Variants in DAB1 observed in about 807,000 individuals in gnomAD.
The protein encoded by DAB1 is disabled homolog 1.
Under a neutral mutation model 64.6 loss-of-function variants are expected in DAB1, and 15 were observed. The observed-to-expected ratio is 0.23, with a 90% CI of 0.16 to 0.36. The LOEUF is 0.36. Among genes scored for constraint, DAB1 ranks in the 10% least tolerant of loss-of-function variants. The pLI is 1.00. For missense variants in DAB1, 596 were observed against 706.7 expected (o/e 0.84, Z 1.78); for synonymous variants, 235 against 251.9 (o/e 0.93, Z 0.64).
At chr1:57,123,448 A>T (rs1275116654) in intron 4 of DAB1, among the ~76,000 whole-genome samples, 2 of 152,036 alleles carry the variant, frequency 1.3e-5, no homozygotes, top group African/African-American at 4.8e-5. Flanking sequence ...CAATAAGTTA[A>T]TTTTTTTTAA....
intron 1 of DAB1, among the ~76,000 whole-genome samples, chr1:57,354,882 A>G (rs1029392721): frequency 3.3e-5 from 5 of 152,138 alleles, no homozygotes; most frequent in African/African-American, 1.2e-4. Context: ...CAGGACTTCC[A>G]GGATTTATCA....
At chr1:57,871,064 C>T (rs1643941348) in intron 1 of DAB1, among the ~76,000 whole-genome samples, 1 of 152,164 alleles carries the variant, frequency 6.6e-6, no homozygotes, top group African/African-American at 2.4e-5. Flanking sequence ...CATGGGCTTT[C>T]CTTGTGAACG....
At chr1:57,640,326 T>G (rs1440832729) in intron 7 of DAB1, among the ~76,000 whole-genome samples, 2 of 152,222 alleles carry the variant, frequency 1.3e-5, no homozygotes, top group Non-Finnish European at 1.5e-5. Flanking sequence ...CCTATTAATG[T>G]TTTATGTCTA....
In DAB1 at chr1:57,167,981, G is replaced by A. The variant is rs576951356; in HGVS notation, c.68-22552C>T. ...TTGTCCAGGCTAGAAACACTGGAGA[G>A]ACTTTTGATTTCTTCTTTTCCTTAA... On this transcript the variant is annotated intron_variant, in intron 2 of 14. Transcript: ENST00000371236. Among the ~76,000 whole-genome samples the A allele has an allele frequency of 2.0e-5, 3 of 152,316 alleles. No individual in the cohort carries two copies. The East Asian group carries it at 5.8e-4, about 29-fold the overall frequency.
chr1:58,486,149 T>A (rs1046824573), intron 3 of DAB1, among the ~76,000 whole-genome samples: 2 of 152,192 alleles, frequency 1.3e-5, no homozygotes, highest in African/African-American at 4.8e-5. Flanking sequence ...TGACATAAAA[T>A]ACTTATCATT....
intron 4 of DAB1, among the ~76,000 whole-genome samples, chr1:58,167,728 C>T (rs1208196708): frequency 5.9e-5 from 9 of 152,152 alleles, no homozygotes; most frequent in Non-Finnish European, 8.8e-5. Flanking sequence ...AGTGAAACCA[C>T]GAACCCACCA....
At chr1:57,533,222 C>T (rs1644685587) in intron 7 of DAB1, among the ~76,000 whole-genome samples, 5 of 152,068 alleles carry the variant, frequency 3.3e-5, no homozygotes, top group Admixed American at 2.6e-4. Context: ...CCAATCTGTA[C>T]TGCAGTTCCA....
chr1:57,338,586 A>G (rs1677294704), intron 1 of DAB1, among the ~76,000 whole-genome samples: 1 of 152,254 alleles, frequency 6.6e-6, no homozygotes, highest in Non-Finnish European at 1.5e-5. Context: ...CTGATATCAA[A>G]TATAACCTTT....
At chr1:58,357,026 C>CAAA (rs3990929) in intron 3 of DAB1, among the ~76,000 whole-genome samples, 1 of 86,106 alleles carries the variant, frequency 1.2e-5, no homozygotes. Flanking sequence ...ACCCTGTCTC[C>CAAA]AAAAAAAAAA....
intron 4 of DAB1, among the ~76,000 whole-genome samples, chr1:58,244,349 T>C (rs1660440202): frequency 6.6e-6 from 1 of 152,156 alleles, no homozygotes; most frequent in Non-Finnish European, 1.5e-5. Context: ...AACCAAGTAG[T>C]AAAGGGCACA....
intron 1 of DAB1, among the ~76,000 whole-genome samples, chr1:57,336,063 T>C (rs1364053543): frequency 6.6e-6 from 1 of 152,246 alleles, no homozygotes. Context: ...GGCATGGCAT[T>C]AACGCAGTTG....
At chr1:57,770,929 G>C (rs1227304603) in intron 6 of DAB1, among the ~76,000 whole-genome samples, 5 of 152,094 alleles carry the variant, frequency 3.3e-5, no homozygotes, top group Non-Finnish European at 7.4e-5. Flanking sequence ...TTAACTCATT[G>C]TCTAATCCAT....
intron 5 of DAB1, among the ~76,000 whole-genome samples, chr1:58,003,476 A>G (rs1002029655): frequency 6.6e-6 from 1 of 152,218 alleles, no homozygotes; most frequent in Admixed American, 6.5e-5. Flanking sequence ...TAAAAATACA[A>G]TTCCCTGCAT....
chr1:57,757,996 T>C (rs1003047845), intron 6 of DAB1, among the ~76,000 whole-genome samples: 1 of 152,010 alleles, frequency 6.6e-6, no homozygotes, highest in Non-Finnish European at 1.5e-5. Context: ...AAAAGAAAAA[T>C]TGTAGAGATG....
intron 5 of DAB1, among the ~76,000 whole-genome samples, chr1:58,107,135 G>C (rs901893707): frequency 1.3e-5 from 2 of 151,710 alleles, no homozygotes; most frequent in Admixed American, 6.6e-5. Context: ...TGTGATAAGT[G>C]CTAGGACATA....
intron 1 of DAB1, among the ~76,000 whole-genome samples, chr1:57,382,264 C>A (rs986133469): frequency 2.0e-5 from 3 of 152,274 alleles, no homozygotes; most frequent in Middle Eastern, 3.4e-3. Context: ...AAATCCCACA[C>A]TGCTAGTCAC....
intron 5 of DAB1, among the ~76,000 whole-genome samples, chr1:58,051,125 T>C (rs1325061854): frequency 6.6e-6 from 1 of 152,176 alleles, no homozygotes; most frequent in Non-Finnish European, 1.5e-5. Context: ...TGTATATATG[T>C]GCCATGTTGG....
In DAB1 at chr1:57,701,567, T is replaced by C. The variant is rs1427129700; in HGVS notation, n.552-51902A>G. ...CAGGGGTAGGGGGAGGAGGGAGGGATAGCATTAGGAGATATACCTAATGCT... is the reference window on the plus strand; with the variant it reads ...CAGGGGTAGGGGGAGGAGGGAGGGACAGCATTAGGAGATATACCTAATGCT... On this transcript the variant is annotated intron_variant and non_coding_transcript_variant, in intron 6 of 20. Coordinates refer to the DAB1 transcript ENST00000485760. Among the ~76,000 whole-genome samples the C allele has an allele frequency of 2.0e-5, 3 of 152,052 alleles. No individual in the cohort carries two copies. The East Asian group carries it at 5.8e-4, about 29-fold the overall frequency.
chr1:57,176,077 T>C (rs769987678), intron 2 of DAB1, among the ~76,000 whole-genome samples: 4 of 152,200 alleles, frequency 2.6e-5, no homozygotes, highest in Non-Finnish European at 5.9e-5. Context: ...AGGTACTTCA[T>C]GGGACTGCTG....
Sources: allele counts gnomAD v4.1 joint callset (sites outside exome capture counted in the v4.1 genomes callset), GRCh38; gene constraint gnomAD v4.1.1; transcripts MANE v1.5; gene names NCBI Gene and HGNC (gene_info 2026-07-23, HGNC 2026-07-21).